Variants in GRIN3A observed in about 807,000 individuals in gnomAD.
GRIN3A encodes the protein glutamate receptor ionotropic, NMDA 3A.
Under a neutral mutation model 92.4 loss-of-function variants are expected in GRIN3A, and 47 were observed. The ratio of observed to expected loss-of-function variants is 0.51; its 90% confidence interval spans 0.40 to 0.65. The LOEUF is 0.65. Ranked by LOEUF, GRIN3A falls within the 30% of genes least tolerant of loss-of-function variation. The pLI is 0.00. For missense variants in GRIN3A, 1,324 were observed against 1,393.1 expected (o/e 0.95, Z 0.79); for synonymous variants, 527 against 540.6 (o/e 0.97, Z 0.35).
chr9:101,623,293 T>G, intron 5 of GRIN3A, 25 bp downstream of exon 5: 2 of 1,492,156 alleles, frequency 1.3e-6, no homozygotes, highest in Non-Finnish European at 1.9e-6. Context: ...TGAGTAAAAG[T>G]GAATCAAGAG....
rs10115355 is a variant in GRIN3A, at chr9:101,659,560, A to C, written c.2352+10500T>G. On this transcript the variant is annotated intron_variant, in intron 3 of 8. Transcript: ENST00000361820. Reference sequence around the variant, plus strand: ...ATCTATGTATTTATTTATACATAGAAAGTATCTATGTATTTATTTATACAT... The same window carrying C: ...ATCTATGTATTTATTTATACATAGACAGTATCTATGTATTTATTTATACAT... Among the ~76,000 whole-genome samples, 191 of 65,956 alleles carry C rather than the reference A, an allele frequency of 2.9e-3. 44 individuals carry two copies. Among genetic ancestry groups the C allele is most frequent in the South Asian group, 6.3e-3 (14 of 2,212 alleles). 43.3% of individuals were successfully genotyped at this position (65,956 alleles called of 152,430 possible).
At chr9:101,632,503 T>C (rs922874029) in intron 3 of GRIN3A, among the ~76,000 whole-genome samples, 1 of 152,186 alleles carries the variant, frequency 6.6e-6, no homozygotes, top group Admixed American at 6.5e-5. Flanking sequence ...TTGTCATCAT[T>C]ATTAAGAGAA....
chr9:101,601,579 T>C (rs1158063731), intron 6 of GRIN3A, among the ~76,000 whole-genome samples: 1 of 152,172 alleles, frequency 6.6e-6, no homozygotes, highest in Non-Finnish European at 1.5e-5. Flanking sequence ...TGTCCCCTAG[T>C]TCGGGAGGCT....
At chr9:101,628,764 C>T (rs1828672743) in intron 3 of GRIN3A, among the ~76,000 whole-genome samples, 1 of 152,172 alleles carries the variant, frequency 6.6e-6, no homozygotes, top group Non-Finnish European at 1.5e-5. Flanking sequence ...TATGATACTC[C>T]TTGGTTAGAA....
intron 2 of GRIN3A, among the ~76,000 whole-genome samples, chr9:101,676,093 C>G (rs35055805): frequency 0.13 from 20,256 of 151,720 alleles, 1,597 homozygotes; most frequent in Admixed American, 0.19. Context: ...GGAAATAGCT[C>G]TGAAATAACT....
intron 3 of GRIN3A, among the ~76,000 whole-genome samples, chr9:101,650,651 G>A (rs1035792245): frequency 6.6e-6 from 1 of 151,926 alleles, no homozygotes; most frequent in African/African-American, 2.4e-5. Context: ...TGTTTGTTTT[G>A]CAATATTATC....
intron 6 of GRIN3A, among the ~76,000 whole-genome samples, chr9:101,588,763 A>G (rs540219117): frequency 6.6e-6 from 1 of 152,018 alleles, no homozygotes; most frequent in Non-Finnish European, 1.5e-5. Context: ...AAAAGAACTT[A>G]TTTTCTAACA....
chr9:101,713,042 C>T (rs1327252903), intron 1 of GRIN3A, among the ~76,000 whole-genome samples: 1 of 152,160 alleles, frequency 6.6e-6, no homozygotes, highest in Non-Finnish European at 1.5e-5. Flanking sequence ...CCCAGGTAAT[C>T]TGGGTCTTCT....
intron 2 of GRIN3A, among the ~76,000 whole-genome samples, chr9:101,673,955 A>T (rs1829361084): frequency 6.6e-6 from 1 of 152,108 alleles, no homozygotes; most frequent in Admixed American, 6.6e-5. Context: ...GCACCTGCAC[A>T]TTCTACTATA....
chr9:101,639,352 A>T (rs1374086325), intron 3 of GRIN3A, among the ~76,000 whole-genome samples: 1 of 152,172 alleles, frequency 6.6e-6, no homozygotes, highest in African/African-American at 2.4e-5. Context: ...AGAAAAAAAA[A>T]AAGGAGGATG....
intron 4 of GRIN3A, among the ~76,000 whole-genome samples, chr9:101,626,155 A>G (rs1053558999): frequency 3.9e-5 from 6 of 152,214 alleles, no homozygotes; most frequent in African/African-American, 7.2e-5. Flanking sequence ...AGGGCCCCCA[A>G]TGGTTATTTC....
chr9:101,596,236 C>A (rs906830718), intron 6 of GRIN3A, among the ~76,000 whole-genome samples: 1 of 152,168 alleles, frequency 6.6e-6, no homozygotes, highest in African/African-American at 2.4e-5. Flanking sequence ...TTAAGTCTGG[C>A]CATTTTACTT....
At chr9:101,598,902 G>T (rs975889714) in intron 6 of GRIN3A, among the ~76,000 whole-genome samples, 1 of 152,258 alleles carries the variant, frequency 6.6e-6, no homozygotes, top group Non-Finnish European at 1.5e-5. Flanking sequence ...GGCCCATCAG[G>T]CACTCTTATG....
At chr9:101,682,850 C>T (rs556290163) in intron 2 of GRIN3A, among the ~76,000 whole-genome samples, 7 of 152,072 alleles carry the variant, frequency 4.6e-5, no homozygotes, top group Non-Finnish European at 7.4e-5. Flanking sequence ...GGCGTGGTGG[C>T]GGGCGCCTGT....
intron 6 of GRIN3A, among the ~76,000 whole-genome samples, chr9:101,610,932 A>G (rs1828358206): frequency 6.6e-6 from 1 of 152,036 alleles, no homozygotes; most frequent in Non-Finnish European, 1.5e-5. Context: ...CCCTGTCTCC[A>G]CTAAAAACAC....
At position 101,704,665 on chromosome 9, in the gene GRIN3A, G is replaced by A. The variant is rs190558143; in HGVS notation, c.700-17465C>T. Among the ~76,000 whole-genome samples the A allele has an allele frequency of 1.1e-4, 17 of 152,300 alleles. 1 individual carries two copies. The East Asian group carries it at 3.1e-3, about 28-fold the overall frequency. ...AGCCACACGATCAGGAGGGTAAACA[G>A]TTAATACTCTGCAATCTTTCCAGAG... On this transcript the variant is annotated intron_variant, in intron 1 of 8. Coordinates refer to ENST00000361820, the MANE Select transcript of GRIN3A (RefSeq NM_133445.3).
intron 6 of GRIN3A, among the ~76,000 whole-genome samples, chr9:101,595,871 C>A (rs1042880443): frequency 6.6e-6 from 1 of 152,168 alleles, no homozygotes; most frequent in Non-Finnish European, 1.5e-5. Context: ...CCCAAAGAAG[C>A]CTTTTGTGTG....
intron 3 of GRIN3A, among the ~76,000 whole-genome samples, chr9:101,628,989 T>C (rs1828677095): frequency 6.6e-6 from 1 of 152,166 alleles, no homozygotes; most frequent in African/African-American, 2.4e-5. Flanking sequence ...TTGTTTACCC[T>C]AAAAATGATT....
chr9:101,737,878 G>C lies in GRIN3A; in HGVS notation c.102C>G (p.His34Gln). The C allele has an allele frequency of 6.5e-7, 1 of 1,534,204 alleles. No individual in the cohort carries two copies. Among genetic ancestry groups the C allele is most frequent in the Non-Finnish European group, 8.7e-7 (1 of 1,146,636 alleles). The change falls in exon 1 of 9, where the codon CAC becomes CAG. Residue 34 changes from histidine to glutamine, a missense_variant. Coordinates refer to ENST00000361820, the MANE Select transcript of GRIN3A (RefSeq NM_133445.3). ...GCTTGAGGATCTGGCAGGGCTGCGG[G>C]TGCGAGGAGGAGCTGGGCACCCCGG... Reference protein sequence around the residue: ...VLAGVPSSSSHPQPCQILKRI... With the variant: ...VLAGVPSSSSQPQPCQILKRI...
Sources: gnomAD v4.1 joint callset for allele counts (sites outside exome capture counted in the v4.1 genomes callset) on GRCh38, gnomAD v4.1.1 for gene constraint, MANE v1.5 for transcripts, NCBI Gene and HGNC (gene_info 2026-07-23, HGNC 2026-07-21) for gene names.